Variants in MCC observed in about 807,000 individuals in gnomAD.
The protein encoded by MCC is colorectal mutant cancer protein.
Under a neutral mutation model 116.2 loss-of-function variants are expected in MCC, and 90 were observed. The ratio of observed to expected loss-of-function variants is 0.77; its 90% CI spans 0.65 to 0.92. The LOEUF is 0.92. Among genes scored for constraint, MCC ranks in the 40% least tolerant of loss-of-function variants. The pLI, the probability that MCC is intolerant of heterozygous loss-of-function variation, is 0.00. For synonymous variants in MCC, 578 were observed against 510.5 expected, an observed-to-expected ratio of 1.13 and a Z score of -1.78; for missense variants, 1,516 against 1,312.2, an observed-to-expected ratio of 1.16 and a Z score of -2.40.
intron 4 of MCC, among the ~76,000 whole-genome samples, chr5:113,147,359 T>C (rs749015464): frequency 2.7e-4 from 41 of 152,188 alleles, no homozygotes; most frequent in Non-Finnish European, 5.3e-4. Context: ...AAAAACCCTG[T>C]GCAATGTGGT....
At chr5:113,076,159 T>G (rs6876512) in intron 11 of MCC, among the ~76,000 whole-genome samples, 22,378 of 152,166 alleles carry the variant, frequency 0.15, 1,887 homozygotes, top group South Asian at 0.22. Context: ...CAGGACTATG[T>G]GAAAAGACCA....
intron 1 of MCC, among the ~76,000 whole-genome samples, chr5:113,409,047 A>G (rs1349219779): frequency 1.3e-5 from 2 of 152,220 alleles, no homozygotes; most frequent in African/African-American, 2.4e-5. Context: ...ATAAATGCCA[A>G]TTTATCAGTC....
intron 1 of MCC, among the ~76,000 whole-genome samples, chr5:113,467,519 C>G (rs1438290338): frequency 1.2e-4 from 18 of 152,038 alleles, no homozygotes; most frequent in Admixed American, 3.9e-4. Flanking sequence ...TTTCTGAGGG[C>G]TCTGTTCTGT....
chr5:113,153,470 G>A (rs551242247), intron 3 of MCC, among the ~76,000 whole-genome samples: 2 of 152,262 alleles, frequency 1.3e-5, no homozygotes, highest in Middle Eastern at 3.4e-3. Flanking sequence ...GAGAGCACCG[G>A]GCTTAGAGTG....
rs149525515 is a variant in MCC, at chr5:113,479,472, G to A, written c.170+8773C>T. The stretch of plus-strand genomic sequence containing the variant: ...CCTTTTATTGCATGTCAGTAAATCA[G>A]AGAATACTGCATATCGGTTAGCTCT... On this transcript the variant is annotated intron_variant, in intron 1 of 18. Transcript: ENST00000408903. 1.5e-3 allele frequency among the ~76,000 whole-genome samples: 227 copies of A among 152,208 alleles called. 6 individuals carry two copies. In the East Asian group the frequency reaches 0.02, roughly 13 times the overall value.
chr5:113,203,667 C>T (rs887515158), intron 3 of MCC, among the ~76,000 whole-genome samples: 18 of 152,068 alleles, frequency 1.2e-4, no homozygotes, highest in Non-Finnish European at 1.9e-4. Context: ...AACCAGGCGC[C>T]GTGCAAGCCA....
At chr5:113,324,469 T>TA (rs1040830272) in intron 3 of MCC, among the ~76,000 whole-genome samples, 3 of 152,186 alleles carry the variant, frequency 2.0e-5, no homozygotes, top group African/African-American at 7.2e-5. Context: ...TTACACAAGA[T>TA]AAACATTGTT....
At chr5:113,433,608 G>T in intron 1 of MCC, 2 of 1,205,962 alleles carry the variant, frequency 1.7e-6, no homozygotes, top group Non-Finnish European at 1.1e-6. Flanking sequence ...TTCAAGGGGA[G>T]AGAGAAGAAG....
At chr5:113,031,515 T>C (rs575018040) in intron 17 of MCC, among the ~76,000 whole-genome samples, 25 of 152,266 alleles carry the variant, frequency 1.6e-4, no homozygotes, top group African/African-American at 6.0e-4. Flanking sequence ...GAAGGGTTTT[T>C]TGCCCTACAT....
chr5:113,380,505 C>CATTA (rs1281263538), intron 2 of MCC, among the ~76,000 whole-genome samples: 8 of 152,110 alleles, frequency 5.3e-5, no homozygotes, highest in African/African-American at 1.7e-4. Context: ...ATTGCTCATT[C>CATTA]ATTCATTCAT....
chr5:113,378,969 T>G (rs558198217), intron 2 of MCC, among the ~76,000 whole-genome samples: 2 of 152,234 alleles, frequency 1.3e-5, no homozygotes, highest in African/African-American at 4.8e-5. Flanking sequence ...TGAACCTAGA[T>G]TATTTGTTTT....
At position 113,385,154 on chromosome 5, in the gene MCC, T is replaced by C. The variant is rs1769223809; in HGVS notation, c.229A>G (p.Met77Val). Residue 77 changes from methionine (M) to valine (V), a missense_variant, in exon 2 of 19, where the codon ATG (methionine) becomes GTG (valine). Coordinates refer to ENST00000408903, the MANE Select transcript of MCC (RefSeq NM_001085377.2). ...TTTTCATCTGCTCCCAACTGGTTCA[T>C]GATCTCAGCCACAGACTCTTCCATA... is the stretch of plus-strand genomic sequence containing the variant. Reference protein sequence around the residue: ...LNMEESVAEIMNQLGADENGK... With the variant: ...LNMEESVAEIVNQLGADENGK... 1 of 1,614,206 alleles carries C rather than the reference T, an allele frequency of 6.2e-7. No individual in the cohort carries two copies. The highest frequency in any genetic ancestry group is 2.2e-5 in the East Asian group (1 of 44,892).
At position 113,199,766 on chromosome 5, in the gene MCC, C is replaced by A. The variant is rs144176504; in HGVS notation, c.628-48344G>T. Reference sequence around the variant, plus strand: ...AGTAAATGAGGCCAAGGAGAGAGAACAATGCAACAGACCACCAAGGCTAAT... The same window carrying A: ...AGTAAATGAGGCCAAGGAGAGAGAAAAATGCAACAGACCACCAAGGCTAAT... On this transcript the variant is annotated intron_variant, in intron 3 of 18. Transcript: ENST00000408903. 5.4e-3 allele frequency among the ~76,000 whole-genome samples: 822 copies of A among 152,272 alleles called. 6 individuals carry two copies. The highest frequency in any genetic ancestry group is 7.0e-3 in the Non-Finnish European group (478 of 68,022).
intron 1 of MCC, among the ~76,000 whole-genome samples, chr5:113,454,044 A>G (rs1050170029): frequency 6.6e-6 from 1 of 152,052 alleles, no homozygotes; most frequent in African/African-American, 2.4e-5. Flanking sequence ...CAGGAGGCGG[A>G]GTTTGCGGTG....
At position 113,120,486 on chromosome 5, in the gene MCC, G is replaced by A. The variant is rs73237148; in HGVS notation, c.1027+2198C>T. ...CTCCTTCCTTATTAGAGCCTCCTCT[G>A]CCCCACTGGCTTCCAGAATACCACT... On this transcript the variant is annotated intron_variant, in intron 6 of 18. Coordinates refer to ENST00000408903, the MANE Select transcript of MCC (RefSeq NM_001085377.2). Among the ~76,000 whole-genome samples, 1,317 of 152,252 alleles carry A rather than the reference G, an allele frequency of 8.7e-3. 14 individuals are homozygous for A. The highest frequency in any genetic ancestry group is 0.03 in the African/African-American group (1,235 of 41,536).
chr5:113,091,440 G>A (rs1452131398), intron 8 of MCC, among the ~76,000 whole-genome samples: 1 of 152,158 alleles, frequency 6.6e-6, no homozygotes, highest in Non-Finnish European at 1.5e-5. Context: ...GTCTGAATCA[G>A]GAGCTGAATT....
intron 1 of MCC, among the ~76,000 whole-genome samples, chr5:113,444,828 TAAC>T (rs766536232): frequency 2.0e-5 from 3 of 152,180 alleles, no homozygotes; most frequent in Non-Finnish European, 4.4e-5. Flanking sequence ...CTGATGACGA[TAAC>T]AACAACAACA....
intron 1 of MCC, among the ~76,000 whole-genome samples, chr5:113,421,984 C>T (rs1426814430): frequency 1.3e-5 from 2 of 152,114 alleles, no homozygotes; most frequent in African/African-American, 2.4e-5. Flanking sequence ...ATGTTTTTGC[C>T]ACTTTTTCAG....
chr5:113,465,645 G>A lies in MCC; in HGVS notation c.170+22600C>T, dbSNP rs374677355. ...CAAAAGATTAGGATCTCTAATATAC[G>A]AAGACCTCTTAGAAATCAAAAGAAA... On this transcript the variant is annotated intron_variant, in intron 1 of 18. Coordinates refer to ENST00000408903, the MANE Select transcript of MCC (RefSeq NM_001085377.2). 3.3e-5 allele frequency among the ~76,000 whole-genome samples: 5 copies of A among 152,012 alleles called. No individual in the cohort carries two copies. The South Asian group carries it at 6.2e-4, about 19-fold the overall frequency.
Sources: gnomAD v4.1 joint callset for allele counts (sites outside exome capture counted in the v4.1 genomes callset) on GRCh38, gnomAD v4.1.1 for gene constraint, MANE v1.5 for transcripts, NCBI Gene and HGNC (gene_info 2026-07-23, HGNC 2026-07-21) for gene names.